The following KAZN variants were observed in gnomAD, a reference collection of about 807,000 sequenced individuals.
KAZN encodes the protein kazrin, periplakin interacting protein.
Under a neutral mutation model 87.4 loss-of-function variants are expected in KAZN, and 40 were observed. The ratio of observed to expected loss-of-function variants is 0.46; its 90% CI spans 0.36 to 0.60. The LOEUF is 0.60. Among genes scored for constraint, KAZN ranks in the 20% least tolerant of loss-of-function variants. The pLI is 0.00. For synonymous variants in KAZN, 466 were observed against 458.3 expected, an observed-to-expected ratio of 1.02 and a Z score of -0.22; for missense variants, 898 against 1,073.9, an observed-to-expected ratio of 0.84 and a Z score of 2.29.
chr1:14,736,963 C>T (rs1263318164), intron 1 of KAZN, among the ~76,000 whole-genome samples: 1 of 152,130 alleles, frequency 6.6e-6, no homozygotes, highest in Non-Finnish European at 1.5e-5. Flanking sequence ...CCTGAGAGAG[C>T]CGACTTTCTT....
At chr1:14,929,828 G>A in intron 1 of KAZN, 1 of 985,478 alleles carries the variant, frequency 1.0e-6, no homozygotes, top group Non-Finnish European at 1.2e-6. Context: ...CTTGCCTCCT[G>A]TTCACAAGGA....
chr1:14,609,059 T>C (rs569391540), intron 1 of KAZN, among the ~76,000 whole-genome samples: 4 of 152,248 alleles, frequency 2.6e-5, no homozygotes, highest in Admixed American at 1.3e-4. Context: ...TGTGGGACCA[T>C]AGAGCGTGAC....
At chr1:14,331,384 T>C (rs1656847976) in intron 2 of KAZN, among the ~76,000 whole-genome samples, 1 of 152,224 alleles carries the variant, frequency 6.6e-6, no homozygotes, top group Non-Finnish European at 1.5e-5. Context: ...TATCCTCATA[T>C]GAGCAGGATA....
At chr1:14,294,157 C>T (rs947039015) in intron 2 of KAZN, among the ~76,000 whole-genome samples, 5 of 152,162 alleles carry the variant, frequency 3.3e-5, no homozygotes, top group African/African-American at 1.2e-4. Flanking sequence ...CTGAAGAACC[C>T]GTGCATTCTG....
chr1:14,251,771 CCTGAGTAGCTGGGA>C (rs1450381200), intron 2 of KAZN, among the ~76,000 whole-genome samples: 1 of 151,066 alleles, frequency 6.6e-6, no homozygotes, highest in Non-Finnish European at 1.5e-5. Context: ...GCCTCAGCTT[CCTGAGTAGCTGGGA>C]CTACAGATGC....
intron 2 of KAZN, among the ~76,000 whole-genome samples, chr1:14,962,730 G>A (rs1374099984): frequency 1.3e-5 from 2 of 152,176 alleles, no homozygotes; most frequent in African/African-American, 2.4e-5. Flanking sequence ...CCCAGGGACA[G>A]AGACGCCAAC....
At chr1:14,441,008 A>G (rs1666668110) in intron 2 of KAZN, among the ~76,000 whole-genome samples, 1 of 152,192 alleles carries the variant, frequency 6.6e-6, no homozygotes, top group Non-Finnish European at 1.5e-5. Context: ...TGCAGGACAG[A>G]GTATGCAGTC....
chr1:14,087,210 T>A (rs1219097032), intron 1 of KAZN, among the ~76,000 whole-genome samples: 1 of 152,148 alleles, frequency 6.6e-6, no homozygotes, highest in Non-Finnish European at 1.5e-5. Flanking sequence ...CTTAAAAAAT[T>A]CTCACAATTT....
intron 2 of KAZN, among the ~76,000 whole-genome samples, chr1:14,244,714 G>A (rs1301673666): frequency 4.6e-5 from 7 of 152,042 alleles, no homozygotes; most frequent in Non-Finnish European, 4.4e-5. Context: ...CAAGTACAAA[G>A]GCCCTGAGGC....
intron 1 of KAZN, among the ~76,000 whole-genome samples, chr1:13,982,128 G>A (rs188887812): frequency 3.3e-4 from 51 of 152,316 alleles, no homozygotes; most frequent in African/African-American, 8.7e-4. Context: ...ACTCCAGTCC[G>A]GCCAGGGCCT....
At chr1:14,386,945 G>A (rs1422512510) in intron 2 of KAZN, among the ~76,000 whole-genome samples, 2 of 152,120 alleles carry the variant, frequency 1.3e-5, no homozygotes, top group African/African-American at 4.8e-5. Flanking sequence ...TCACTTTCAG[G>A]TACACCAGTC....
At chr1:14,650,077 G>A (rs1312843378) in intron 1 of KAZN, among the ~76,000 whole-genome samples, 2 of 120,980 alleles carry the variant, frequency 1.7e-5, no homozygotes, top group Admixed American at 1.0e-4. Flanking sequence ...GGAAACTAAA[G>A]CCCAGAGAAG....
chr1:14,450,117 G>A (rs1223180416), intron 2 of KAZN, among the ~76,000 whole-genome samples: 7 of 115,932 alleles, frequency 6.0e-5, no homozygotes, highest in Admixed American at 6.0e-4. Flanking sequence ...TGGGGAGAGT[G>A]CTGCCCCCCC....
chr1:13,924,505 A>G (rs916843064), intron 1 of KAZN, among the ~76,000 whole-genome samples: 22 of 152,202 alleles, frequency 1.4e-4, no homozygotes, highest in Non-Finnish European at 2.9e-4. Flanking sequence ...TCACTAATCT[A>G]AAGGGAAAAG....
At chr1:13,962,959 G>C (rs888874226) in intron 1 of KAZN, among the ~76,000 whole-genome samples, 1 of 152,180 alleles carries the variant, frequency 6.6e-6, no homozygotes, top group Non-Finnish European at 1.5e-5. Flanking sequence ...GTGAATGGAG[G>C]ATTTGGGGGT....
At chr1:14,093,103 G>A (rs528382889) in intron 1 of KAZN, among the ~76,000 whole-genome samples, 71 of 152,272 alleles carry the variant, frequency 4.7e-4, no homozygotes, top group Non-Finnish European at 8.1e-4. Context: ...CTCCCATGGC[G>A]TGTGCCATCT....
At chr1:14,957,744 G>A (rs1012973605) in intron 1 of KAZN, among the ~76,000 whole-genome samples, 27 of 152,184 alleles carry the variant, frequency 1.8e-4, no homozygotes, top group African/African-American at 6.0e-4. Context: ...CGAGTCTAGC[G>A]CCTTCCAGAA....
intron 1 of KAZN, among the ~76,000 whole-genome samples, chr1:14,029,978 G>A (rs1641248033): frequency 6.6e-6 from 1 of 152,146 alleles, no homozygotes; most frequent in Non-Finnish European, 1.5e-5. Flanking sequence ...GGTTCCATAT[G>A]AACTTTAAAG....
chr1:13,950,251 C>A (rs1641294848), intron 1 of KAZN, among the ~76,000 whole-genome samples: 1 of 145,580 alleles, frequency 6.9e-6, no homozygotes, highest in African/African-American at 2.5e-5. Context: ...CCTTGGTGTC[C>A]CTTATGCCTT....
Sources: allele counts gnomAD v4.1 joint callset (sites outside exome capture counted in the v4.1 genomes callset), GRCh38; gene constraint gnomAD v4.1.1; transcripts MANE v1.5; gene names NCBI Gene and HGNC (gene_info 2026-07-23, HGNC 2026-07-21).